DIAPH2: variants seen among roughly 807,000 people sequenced by gnomAD.
The protein encoded by DIAPH2 is protein diaphanous homolog 2.
A neutral mutation model predicts 92.7 loss-of-function variants in DIAPH2; 35 were observed. That is an observed-to-expected ratio of 0.38 (90% CI 0.29 to 0.50). The LOEUF (loss-of-function observed/expected upper bound fraction) is 0.50. Ranked by LOEUF, DIAPH2 falls within the 20% of genes least tolerant of loss-of-function variation. The pLI is 0.94. For missense variants in DIAPH2, 701 were observed against 819.5 expected (o/e 0.86, Z 1.77); for synonymous variants, 301 against 280.4 (o/e 1.07, Z -0.73).
chrX:97,449,558 C>T (rs1034499982), intron 26 of DIAPH2: 1 of 303,882 alleles, frequency 3.3e-6, no homozygotes, highest in South Asian at 1.6e-4. Context: ...TGTGAAACTA[C>T]CGATGGTCAT....
intron 26 of DIAPH2, among the ~76,000 whole-genome samples, chrX:97,529,539 T>C (rs981706648): frequency 8.9e-6 from 1 of 112,069 alleles, no homozygotes; most frequent in African/African-American, 3.2e-5. Context: ...CCCTCATATG[T>C]TTTACAGATA....
At chrX:97,247,505 C>T (rs939567050) in intron 22 of DIAPH2, among the ~76,000 whole-genome samples, 1 of 110,806 alleles carries the variant, frequency 9.0e-6, no homozygotes, top group African/African-American at 3.3e-5. Flanking sequence ...CCATATTAAA[C>T]ATGATAATTT....
intron 26 of DIAPH2, among the ~76,000 whole-genome samples, chrX:97,569,022 C>T (rs1400906368): frequency 8.9e-6 from 1 of 111,973 alleles, no homozygotes; most frequent in African/African-American, 3.2e-5. Flanking sequence ...AGACTTTATG[C>T]GACAGAGCTT....
chrX:96,949,880 AAAG>A (rs2147810459), intron 15 of DIAPH2, among the ~76,000 whole-genome samples: 1 of 107,755 alleles, frequency 9.3e-6, no homozygotes, highest in African/African-American at 3.4e-5. Flanking sequence ...AAAAAAAAAA[AAAG>A]AAGTTGAAGA....
intron 26 of DIAPH2, among the ~76,000 whole-genome samples, chrX:97,455,941 C>G (rs1035668177): frequency 8.9e-6 from 1 of 111,776 alleles, no homozygotes; most frequent in African/African-American, 3.3e-5. Flanking sequence ...TTCAAGTTCC[C>G]TTCATTTCCC....
intron 17 of DIAPH2, among the ~76,000 whole-genome samples, chrX:97,000,837 T>G (rs2066138920): frequency 9.0e-6 from 1 of 111,662 alleles, no homozygotes; most frequent in Admixed American, 9.5e-5. Flanking sequence ...GTACCCTTGC[T>G]TCAACCAGGC....
chrX:97,119,723 G>T (rs745791109), intron 21 of DIAPH2, among the ~76,000 whole-genome samples: 17 of 111,626 alleles, frequency 1.5e-4, no homozygotes, highest in Non-Finnish European at 2.3e-4. Context: ...GGTGGGTCTT[G>T]TTGCGGCTGC....
intron 24 of DIAPH2, among the ~76,000 whole-genome samples, chrX:97,370,630 CT>C (rs896052803): frequency 1.8e-5 from 2 of 111,558 alleles, no homozygotes; most frequent in African/African-American, 6.5e-5. Flanking sequence ...TTGGATTTCC[CT>C]AAGAGTTATG....
chrX:97,107,520 A>G (rs1477827815), intron 20 of DIAPH2, among the ~76,000 whole-genome samples: 1 of 111,946 alleles, frequency 8.9e-6, no homozygotes, highest in Non-Finnish European at 1.9e-5. Context: ...CTCAAAGAAG[A>G]TAACAGTCTT....
At chrX:97,443,480 C>T (rs1444293265) in intron 26 of DIAPH2, among the ~76,000 whole-genome samples, 2 of 110,820 alleles carry the variant, frequency 1.8e-5, no homozygotes, top group Non-Finnish European at 3.8e-5. Flanking sequence ...GAATACTTCA[C>T]AATTATTTTA....
At chrX:97,232,607 A>G (rs192353828) in intron 22 of DIAPH2, among the ~76,000 whole-genome samples, 17 of 110,967 alleles carry the variant, frequency 1.5e-4, no homozygotes, top group Middle Eastern at 9.3e-3. Context: ...GCACTGTAGA[A>G]TCCTCATACT....
intron 25 of DIAPH2, among the ~76,000 whole-genome samples, chrX:97,404,946 A>G (rs2069794787): frequency 3.6e-5 from 4 of 112,269 alleles, no homozygotes; most frequent in Admixed American, 2.8e-4. Flanking sequence ...TCATTATTTC[A>G]TGTGCTTACG....
intron 1 of DIAPH2, among the ~76,000 whole-genome samples, chrX:96,715,612 A>G (rs1446295217): frequency 9.0e-6 from 1 of 111,482 alleles, no homozygotes; most frequent in Non-Finnish European, 1.9e-5. Context: ...GTGAAGAGGA[A>G]GTGGGGCACA....
intron 19 of DIAPH2, among the ~76,000 whole-genome samples, chrX:97,091,762 C>T (rs969746082): frequency 5.4e-5 from 6 of 111,854 alleles, no homozygotes; most frequent in Non-Finnish European, 1.1e-4. Context: ...TCTAAATTGA[C>T]ATTCCCTGGG....
At chrX:97,356,939 A>T (rs986161758) in intron 24 of DIAPH2, among the ~76,000 whole-genome samples, 8 of 112,013 alleles carry the variant, frequency 7.1e-5, no homozygotes, top group African/African-American at 2.6e-4. Context: ...TTTACCCTTT[A>T]AAAATCTGAC....
intron 23 of DIAPH2, among the ~76,000 whole-genome samples, chrX:97,263,831 C>T (rs1186985259): frequency 9.1e-6 from 1 of 109,885 alleles, no homozygotes; most frequent in Non-Finnish European, 1.9e-5. Flanking sequence ...AGGTAATCCG[C>T]CCACCTAGGC....
chrX:96,914,282 A>G (rs1569426117), intron 7 of DIAPH2, among the ~76,000 whole-genome samples: 1 of 110,906 alleles, frequency 9.0e-6, no homozygotes, highest in Non-Finnish European at 1.9e-5. Flanking sequence ...GATTTTCTCA[A>G]AATCTGGGCT....
chrX:96,940,371 C>T (rs924395076), intron 12 of DIAPH2, among the ~76,000 whole-genome samples: 2 of 111,642 alleles, frequency 1.8e-5, no homozygotes, highest in East Asian at 2.8e-4. Context: ...GGGAATATAT[C>T]GGAAAACCAC....
rs749760966 is a variant in DIAPH2, at chrX:97,584,002, G to A, written c.3242-15251G>A. On this transcript the variant is annotated intron_variant, in intron 26 of 26. Transcript: ENST00000324765. The stretch of plus-strand genomic sequence containing the variant: ...AGCTCCCTGACCCCTTGGGCTTCCC[G>A]AGTGAGGCAATGCCTCGCCCTGCTT... 1.9e-4 allele frequency among the ~76,000 whole-genome samples: 21 copies of A among 112,336 alleles called. No homozygotes were observed. In the East Asian group the frequency reaches 4.5e-3, roughly 24 times the overall value.
Sources: allele counts gnomAD v4.1 joint callset (sites outside exome capture counted in the v4.1 genomes callset), GRCh38; gene constraint gnomAD v4.1.1; transcripts MANE v1.5; gene names NCBI Gene and HGNC (gene_info 2026-07-23, HGNC 2026-07-21).